Variants in COL22A1 observed in about 807,000 individuals in gnomAD.
COL22A1 encodes collagen type XXII alpha 1 chain, also known as collagen alpha-1(XXII) chain.
COL22A1 carries 221 observed loss-of-function variants against 248.9 expected under a neutral mutation model. The observed-to-expected ratio is 0.89, with a 90% CI of 0.80 to 0.99. COL22A1 has a LOEUF of 0.99. Among genes scored for constraint, COL22A1 ranks in the 50% least tolerant of loss-of-function variants. COL22A1 has a pLI of 0.00. For synonymous variants in COL22A1, 891 were observed against 793.4 expected (o/e 1.12, Z -2.07); for missense variants, 2,240 against 2,179.0 (o/e 1.03, Z -0.56).
At chr8:138,703,634 T>C (rs539221348) in intron 30 of COL22A1, among the ~76,000 whole-genome samples, 1 of 152,310 alleles carries the variant, frequency 6.6e-6, no homozygotes, top group East Asian at 1.9e-4. Flanking sequence ...ACTATTCTAT[T>C]GTGTAAATGG....
chr8:138,735,399 T>C (rs1420236941), intron 23 of COL22A1, among the ~76,000 whole-genome samples: 2 of 152,110 alleles, frequency 1.3e-5, no homozygotes, highest in Non-Finnish European at 2.9e-5. Flanking sequence ...AGCCTGGTAA[T>C]ATTTATATCT....
Position 138,616,915 on chromosome 8 carries a change from CG to C in COL22A1, c.3868del (p.Arg1290GlyfsTer138), listed in dbSNP as rs777178588. ...HTGDSGAPGP[R>X]GESGAMGLPG... ...CTCCAAAGTGAGGCGCCCACTTACC[CG>C]GGGACCGGGTGCACCAGAATCGCCT... is the stretch of plus-strand genomic sequence containing the variant. On this transcript the variant is annotated frameshift_variant and splice_region_variant, in exon 54 of 65. Transcript: ENST00000303045. LOFTEE classifies it high-confidence loss of function. The C allele has an allele frequency of 1.2e-6, 2 of 1,614,132 alleles. No homozygotes were observed. The highest frequency in any genetic ancestry group is 1.1e-5 in the South Asian group (1 of 91,076).
At chr8:138,903,149 G>C (rs1054825290) in intron 1 of COL22A1, among the ~76,000 whole-genome samples, 1 of 152,262 alleles carries the variant, frequency 6.6e-6, no homozygotes, top group Non-Finnish European at 1.5e-5. Flanking sequence ...ATGGAGCAGG[G>C]ACATGTGTCT....
chr8:138,773,723 C>T (rs943304377), intron 16 of COL22A1, among the ~76,000 whole-genome samples: 5 of 152,142 alleles, frequency 3.3e-5, no homozygotes, highest in African/African-American at 9.7e-5. Context: ...TGAGGGAAGA[C>T]GGGATGCCTG....
At chr8:138,698,884 CAG>C (rs1358359275) in intron 32 of COL22A1, among the ~76,000 whole-genome samples, 8 of 152,232 alleles carry the variant, frequency 5.3e-5, no homozygotes, top group Non-Finnish European at 1.2e-4. Context: ...CAGAGCGGAG[CAG>C]AGTTATAAAT....
intron 60 of COL22A1, 74 bp from the exon 61 acceptor site, chr8:138,598,972 TC>T (rs1564079797): frequency 6.8e-7 from 1 of 1,476,560 alleles, no homozygotes; most frequent in Non-Finnish European, 9.4e-7. Context: ...CAAAAGGGGT[TC>T]CCCCAGTCTG....
At chr8:138,741,634 G>A (rs1421915663) in intron 22 of COL22A1, among the ~76,000 whole-genome samples, 2 of 152,244 alleles carry the variant, frequency 1.3e-5, no homozygotes, top group Non-Finnish European at 2.9e-5. Flanking sequence ...TAATGAATAT[G>A]AGGAAGAAGA....
chr8:138,750,176 C>A (rs936358633), intron 22 of COL22A1, among the ~76,000 whole-genome samples: 4 of 152,196 alleles, frequency 2.6e-5, no homozygotes, highest in African/African-American at 9.7e-5. Flanking sequence ...CCATGTGGAA[C>A]TGTAAGTCCA....
At chr8:138,714,321 T>C (rs1199140115) in intron 30 of COL22A1, among the ~76,000 whole-genome samples, 1 of 152,178 alleles carries the variant, frequency 6.6e-6, no homozygotes, top group Non-Finnish European at 1.5e-5. Flanking sequence ...TCCCTTTATA[T>C]CCACTCCTGT....
Position 138,833,104 on chromosome 8 carries a change from C to T in COL22A1, c.780G>A (p.Lys260=). The change falls in exon 5 of 65, where the codon AAG becomes AAA. Residue 260 remains lysine, a synonymous_variant. Coordinates refer to ENST00000303045, the MANE Select transcript of COL22A1 (RefSeq NM_152888.3). ...DLFSVKEILG[K]RENGAQSSYV... ...AGGAACTCTGAGCTCCATTCTCTCTCTTCCCCAAGATTTCCTTCACACTGA... is the reference window on the plus strand; with the variant it reads ...AGGAACTCTGAGCTCCATTCTCTCTTTTCCCCAAGATTTCCTTCACACTGA... 6.2e-7 allele frequency: 1 copy of T among 1,614,032 alleles called. No homozygotes were observed. Among genetic ancestry groups the T allele is most frequent in the Non-Finnish European group, 8.5e-7 (1 of 1,179,856 alleles).
At position 138,755,840 on chromosome 8, in the gene COL22A1, A is replaced by T. The variant is rs760292191; in HGVS notation, c.1903-11T>A. On this transcript the variant is annotated splice_polypyrimidine_tract_variant and intron_variant, in intron 18 of 64. Coordinates refer to ENST00000303045, the MANE Select transcript of COL22A1 (RefSeq NM_152888.3). ...AGGTCCCACGTCACCCTGCACAGAA[A>T]CGACAAACATTTCAGCATAGTTACT... 1.2e-6 allele frequency: 2 copies of T among 1,613,684 alleles called. No homozygotes were observed. Among genetic ancestry groups the T allele is most frequent in the East Asian group, 2.2e-5 (1 of 44,862 alleles).
intron 18 of COL22A1, among the ~76,000 whole-genome samples, chr8:138,759,193 G>T (rs1386183762): frequency 1.3e-5 from 2 of 152,186 alleles, no homozygotes; most frequent in Admixed American, 6.5e-5. Context: ...CTAAGCTGAG[G>T]TCTGTGTCAG....
At chr8:138,622,713 C>G (rs976486942) in intron 52 of COL22A1, among the ~76,000 whole-genome samples, 3 of 152,134 alleles carry the variant, frequency 2.0e-5, no homozygotes, top group African/African-American at 7.2e-5. Flanking sequence ...CAAAATAGGA[C>G]AGACTATACA....
chr8:138,729,663 C>A (rs551778769), intron 23 of COL22A1, among the ~76,000 whole-genome samples: 1 of 152,144 alleles, frequency 6.6e-6, no homozygotes, highest in African/African-American at 2.4e-5. Flanking sequence ...TTACAGGGGA[C>A]GTGCTCACAA....
intron 1 of COL22A1, among the ~76,000 whole-genome samples, chr8:138,892,788 C>A (rs1032444537): frequency 6.6e-6 from 1 of 152,190 alleles, no homozygotes; most frequent in Non-Finnish European, 1.5e-5. Context: ...AAATGAGATT[C>A]GGCAGATTGC....
chr8:138,747,555 T>A (rs917920401), intron 22 of COL22A1, among the ~76,000 whole-genome samples: 1 of 152,158 alleles, frequency 6.6e-6, no homozygotes, highest in Non-Finnish European at 1.5e-5. Context: ...GTCAGGCTCT[T>A]CCCCAGCTAT....
chr8:138,619,651 C>T, intron 52 of COL22A1, 143 bp from the exon 53 acceptor site: 2 of 722,388 alleles, frequency 2.8e-6, no homozygotes, highest in South Asian at 3.3e-5. Flanking sequence ...TGTCTTGGTC[C>T]TTCTTAATCT....
chr8:138,827,776 C>A (rs962968353), intron 5 of COL22A1, among the ~76,000 whole-genome samples: 1 of 151,872 alleles, frequency 6.6e-6, no homozygotes, highest in Non-Finnish European at 1.5e-5. Flanking sequence ...CACTCTCAGG[C>A]CAGCTGCTCT....
At chr8:138,608,066 G>C in intron 56 of COL22A1, 77 bp from the exon 57 acceptor site, 1 of 1,370,878 alleles carries the variant, frequency 7.3e-7, no homozygotes, top group South Asian at 1.2e-5. Flanking sequence ...ATAGACTGAT[G>C]CACAGGACTT....
Sources: allele counts gnomAD v4.1 joint callset (sites outside exome capture counted in the v4.1 genomes callset), GRCh38; gene constraint gnomAD v4.1.1; transcripts MANE v1.5; gene names NCBI Gene and HGNC (gene_info 2026-07-23, HGNC 2026-07-21).